Variants in CNTN5 observed in about 807,000 individuals in gnomAD.
CNTN5 encodes contactin 5.
In CNTN5, 77 loss-of-function variants were observed where a neutral mutation model predicts 129.1. The observed-to-expected ratio is 0.60, with a 90% confidence interval of 0.50 to 0.72. The LOEUF is 0.72. Ranked by LOEUF, CNTN5 falls within the 30% of genes least tolerant of loss-of-function variation. The pLI, the probability that CNTN5 is intolerant of heterozygous loss-of-function variation, is 0.00. For synonymous variants in CNTN5, 509 were observed against 465.6 expected (o/e 1.09, Z -1.20); for missense variants, 1,478 against 1,328.8 (o/e 1.11, Z -1.75).
rs572614735 is a variant in CNTN5 at position 99,803,904 on chromosome 11, C to T, written c.56-15640C>T. ...TTAAAGCTCACAGAATTGATCTTTACGAACTCTTGCTCTTTCCAAGTGGCT... is the reference window on the plus strand; with the variant it reads ...TTAAAGCTCACAGAATTGATCTTTATGAACTCTTGCTCTTTCCAAGTGGCT... On this transcript the variant is annotated intron_variant, in intron 3 of 24. Transcript: ENST00000524871. Among the ~76,000 whole-genome samples, 23 of 152,268 alleles carry T rather than the reference C, an allele frequency of 1.5e-4. No individual in the cohort carries two copies. In the East Asian group the frequency reaches 2.1e-3, roughly 14 times the overall value.
chr11:99,414,718 A>G (rs1942567383), intron 2 of CNTN5, among the ~76,000 whole-genome samples: 1 of 152,002 alleles, frequency 6.6e-6, no homozygotes, highest in Non-Finnish European at 1.5e-5. Flanking sequence ...TCTGGGGGAA[A>G]TTATTTCAAG....
chr11:100,038,486 G>C (rs991892001), intron 9 of CNTN5, among the ~76,000 whole-genome samples: 1 of 152,268 alleles, frequency 6.6e-6, no homozygotes, highest in Admixed American at 6.5e-5. Context: ...TGTTAGGTCT[G>C]CTTGGTGCAG....
chr11:99,241,107 T>C (rs1175142497), intron 1 of CNTN5, among the ~76,000 whole-genome samples: 2 of 152,142 alleles, frequency 1.3e-5, no homozygotes, highest in East Asian at 3.9e-4. Context: ...GTAGAATTAA[T>C]CTTTCTTTGT....
intron 3 of CNTN5, among the ~76,000 whole-genome samples, chr11:99,580,719 C>A (rs1014633675): frequency 6.6e-6 from 1 of 150,816 alleles, no homozygotes; most frequent in Non-Finnish European, 1.5e-5. Flanking sequence ...ATTCTTCTCT[C>A]TTTTCTTCTT....
chr11:99,413,474 C>T (rs1192243083), intron 2 of CNTN5, among the ~76,000 whole-genome samples: 2 of 151,930 alleles, frequency 1.3e-5, no homozygotes, highest in Non-Finnish European at 2.9e-5. Context: ...CAAAAATTAG[C>T]CAGGTGTGGT....
At chr11:99,283,401 C>T (rs922729142) in intron 1 of CNTN5, among the ~76,000 whole-genome samples, 6 of 151,702 alleles carry the variant, frequency 4.0e-5, no homozygotes, top group African/African-American at 1.2e-4. Flanking sequence ...TGCACATGTG[C>T]ACACACACAT....
intron 3 of CNTN5, among the ~76,000 whole-genome samples, chr11:99,771,158 C>T (rs573056161): frequency 1.3e-5 from 2 of 152,034 alleles, no homozygotes; most frequent in East Asian, 1.9e-4. Context: ...TTCTTGGGGT[C>T]ACATCTCAAG....
At chr11:99,666,830 T>C (rs550915293) in intron 3 of CNTN5, among the ~76,000 whole-genome samples, 7 of 152,262 alleles carry the variant, frequency 4.6e-5, no homozygotes, top group African/African-American at 1.7e-4. Context: ...AAACAAATTC[T>C]GAATGTGATT....
chr11:100,357,747 G>T lies in CNTN5; in HGVS notation c.*1527G>T, dbSNP rs571130393. ...AATGAAACAATATGGAGCTCAAATT[G>T]CTAGCTCTCAAGGTTAATCCTTGTA... On this transcript the variant is annotated 3_prime_UTR_variant, in exon 25 of 25. Transcript: ENST00000524871. 1 of 151,790 alleles carries T rather than the reference G, an allele frequency of 6.6e-6. No individual in the cohort carries two copies. The highest frequency in any genetic ancestry group is 1.9e-4 in the East Asian group (1 of 5,170). The allele number at this position is 151,790 out of a possible 1,614,324, so 9.4% of individuals were successfully genotyped here.
At chr11:99,542,260 C>T (rs1442381064) in intron 2 of CNTN5, among the ~76,000 whole-genome samples, 1 of 152,028 alleles carries the variant, frequency 6.6e-6, no homozygotes, top group Non-Finnish European at 1.5e-5. Context: ...GACACTGTAA[C>T]TTTTTCTTCA....
chr11:99,770,213 T>G (rs1383351490), intron 3 of CNTN5, among the ~76,000 whole-genome samples: 1 of 152,136 alleles, frequency 6.6e-6, no homozygotes. Flanking sequence ...ATATTAAGGT[T>G]TGCTTTATCT....
At chr11:100,171,663 C>T (rs898262058) in intron 13 of CNTN5, among the ~76,000 whole-genome samples, 11 of 151,880 alleles carry the variant, frequency 7.2e-5, no homozygotes, top group Non-Finnish European at 1.2e-4. Context: ...TCAGTGGAAA[C>T]GTTTAGAACC....
At chr11:100,320,193 C>A (rs1951660641) in intron 21 of CNTN5, among the ~76,000 whole-genome samples, 1 of 151,950 alleles carries the variant, frequency 6.6e-6, no homozygotes, top group African/African-American at 2.4e-5. Flanking sequence ...CAAGGGTTCC[C>A]TTTTCTCTAT....
At chr11:100,008,899 C>A (rs1193327140) in intron 9 of CNTN5, among the ~76,000 whole-genome samples, 1 of 152,056 alleles carries the variant, frequency 6.6e-6, no homozygotes, top group Non-Finnish European at 1.5e-5. Context: ...ATTGTGATTT[C>A]TCTTGGAAAG....
chr11:99,907,413 T>G (rs1949537909), intron 6 of CNTN5, among the ~76,000 whole-genome samples: 1 of 152,056 alleles, frequency 6.6e-6, no homozygotes, highest in East Asian at 1.9e-4. Flanking sequence ...TGGGTATTTT[T>G]ACATTATAGT....
chr11:99,131,731 C>A (rs974273465), intron 1 of CNTN5, among the ~76,000 whole-genome samples: 1 of 152,090 alleles, frequency 6.6e-6, no homozygotes, highest in African/African-American at 2.4e-5. Flanking sequence ...AGACCAATAA[C>A]AAGTTCTGAA....
intron 3 of CNTN5, among the ~76,000 whole-genome samples, chr11:99,624,886 C>A (rs1951074554): frequency 6.6e-6 from 1 of 152,130 alleles, no homozygotes; most frequent in African/African-American, 2.4e-5. Flanking sequence ...CCCATCACCC[C>A]TAAAGGGAGA....
chr11:99,973,272 G>C (rs182743138), intron 8 of CNTN5, among the ~76,000 whole-genome samples: 1 of 152,202 alleles, frequency 6.6e-6, no homozygotes, highest in East Asian at 1.9e-4. Context: ...GGATTTTCAG[G>C]TGGTCGCAGT....
intron 9 of CNTN5, among the ~76,000 whole-genome samples, chr11:100,045,604 A>G (rs1461756932): frequency 6.6e-6 from 1 of 152,152 alleles, no homozygotes; most frequent in Non-Finnish European, 1.5e-5. Flanking sequence ...ACAACTGGCA[A>G]AAATATAAGG....
Sources: allele counts gnomAD v4.1 joint callset (sites outside exome capture counted in the v4.1 genomes callset), GRCh38; gene constraint gnomAD v4.1.1; transcripts MANE v1.5; gene names NCBI Gene and HGNC (gene_info 2026-07-23, HGNC 2026-07-21).